The following NRG3 variants were observed in gnomAD, a reference collection of about 807,000 sequenced individuals.
NRG3 encodes pro-neuregulin-3, membrane-bound isoform.
In NRG3, 31 loss-of-function variants were observed where a neutral mutation model predicts 66.9. That is an observed-to-expected ratio of 0.46 (90% CI 0.35 to 0.63). The LOEUF (loss-of-function observed/expected upper bound fraction) is 0.63, where lower values mean the gene tolerates loss of function less well. Ranked by LOEUF, NRG3 falls within the 20% of genes least tolerant of loss-of-function variation. The pLI is 0.00. For synonymous variants in NRG3, 393 were observed against 359.4 expected (o/e 1.09, Z -1.06); for missense variants, 910 against 878.9 (o/e 1.04, Z -0.45).
At chr10:82,116,237 G>C (rs1026169939) in intron 1 of NRG3, among the ~76,000 whole-genome samples, 3 of 152,000 alleles carry the variant, frequency 2.0e-5, no homozygotes, top group Admixed American at 2.0e-4. Context: ...TTGATATATA[G>C]TATCCCTTTA....
chr10:82,268,535 A>C (rs1434019445), intron 1 of NRG3, among the ~76,000 whole-genome samples: 1 of 152,136 alleles, frequency 6.6e-6, no homozygotes, highest in Non-Finnish European at 1.5e-5. Flanking sequence ...AATATTTTTA[A>C]ATCTATCCTC....
At chr10:82,777,626 T>C (rs1228682375) in intron 3 of NRG3, among the ~76,000 whole-genome samples, 2 of 152,138 alleles carry the variant, frequency 1.3e-5, no homozygotes, top group African/African-American at 4.8e-5. Context: ...GGTGTAATAC[T>C]GACATAGCTC....
chr10:82,152,390 G>T (rs1241433105), intron 1 of NRG3, among the ~76,000 whole-genome samples: 1 of 152,164 alleles, frequency 6.6e-6, no homozygotes. Flanking sequence ...CACACAATTT[G>T]CTTAGCCTTT....
chr10:82,165,945 T>A (rs2072016969), intron 1 of NRG3, among the ~76,000 whole-genome samples: 1 of 151,846 alleles, frequency 6.6e-6, no homozygotes, highest in Non-Finnish European at 1.5e-5. Flanking sequence ...TTTTTATTTG[T>A]CCCATCTGTT....
intron 1 of NRG3, among the ~76,000 whole-genome samples, chr10:82,191,173 T>C (rs1482713854): frequency 6.6e-6 from 1 of 152,166 alleles, no homozygotes. Flanking sequence ...TTGGACAGTT[T>C]AGCAACATTT....
rs142551084 is a variant in NRG3 at position 82,482,249 on chromosome 10, T to G, written c.953+123381T>G. Among the ~76,000 whole-genome samples, 82 of 152,334 alleles carry G rather than the reference T, an allele frequency of 5.4e-4. 1 individual carries two copies. The highest frequency in any genetic ancestry group is 2.7e-3 in the Admixed American group (41 of 15,292). On this transcript the variant is annotated intron_variant, in intron 2 of 8. Transcript: ENST00000372141. Reference sequence around the variant, plus strand: ...AAATCACTATTTTTAGTTATCATGTTGTCTTTATGAGCATTGAGCACACTT... The same window carrying G: ...AAATCACTATTTTTAGTTATCATGTGGTCTTTATGAGCATTGAGCACACTT...
chr10:82,004,185 A>T (rs2133709097), intron 1 of NRG3, among the ~76,000 whole-genome samples: 1 of 152,268 alleles, frequency 6.6e-6, no homozygotes, highest in East Asian at 1.9e-4. Context: ...TAAGAATTTT[A>T]TTTTTGTGGA....
At chr10:82,857,641 C>T (rs1214056766) in intron 3 of NRG3, among the ~76,000 whole-genome samples, 1 of 152,036 alleles carries the variant, frequency 6.6e-6, no homozygotes, top group African/African-American at 2.4e-5. Context: ...GGAAGGAAGA[C>T]TAGGAAGAAC....
Position 81,875,944 on chromosome 10 carries a change from A to G in NRG3, c.604A>G (p.Ser202Gly). The change falls in exon 1 of 9, where the codon AGT (serine) becomes GGT (glycine). Residue 202 changes from serine to glycine, a missense_variant. Coordinates refer to ENST00000372141, the MANE Select transcript of NRG3 (RefSeq NM_001010848.4). The surrounding 1 kb of genome is among the most constrained non-coding windows in gnomAD (Gnocchi z 5.3). ...TVPSTTAPFF[S>G]SSTLGSRPPV... ...CCCGTCCACCACGGCCCCGTTCTTC[A>G]GTAGCAGCACGCTGGGCTCCCGACC... 1 of 1,613,814 alleles carries G rather than the reference A, an allele frequency of 6.2e-7. No homozygotes were observed. The highest frequency in any genetic ancestry group is 1.1e-5 in the South Asian group (1 of 91,078).
chr10:82,438,629 C>A (rs775170063), intron 2 of NRG3, among the ~76,000 whole-genome samples: 14 of 152,208 alleles, frequency 9.2e-5, no homozygotes, highest in Non-Finnish European at 1.9e-4. Context: ...ACAATCTGCG[C>A]TTTCTGGGGT....
chr10:82,850,966 C>T (rs1163399741), intron 3 of NRG3, among the ~76,000 whole-genome samples: 1 of 152,014 alleles, frequency 6.6e-6, no homozygotes, highest in Non-Finnish European at 1.5e-5. Context: ...AATCCCAGCA[C>T]TTTTTTTACA....
intron 1 of NRG3, among the ~76,000 whole-genome samples, chr10:81,931,604 C>T (rs1327944487): frequency 2.0e-5 from 3 of 152,146 alleles, no homozygotes; most frequent in South Asian, 4.1e-4. Context: ...TACTTCTATA[C>T]CTTGAGATTT....
intron 2 of NRG3, among the ~76,000 whole-genome samples, chr10:82,367,731 A>G (rs1410968558): frequency 6.6e-6 from 1 of 152,136 alleles, no homozygotes; most frequent in Non-Finnish European, 1.5e-5. Flanking sequence ...GTGGTGGCTC[A>G]CGCTTGTAAT....
At chr10:82,129,379 G>C (rs1180829555) in intron 1 of NRG3, among the ~76,000 whole-genome samples, 1 of 152,004 alleles carries the variant, frequency 6.6e-6, no homozygotes, top group African/African-American at 2.4e-5. Flanking sequence ...CTTTCATTCT[G>C]GTTTCCTTAT....
At chr10:82,698,438 CA>C (rs1307916713) in intron 2 of NRG3, among the ~76,000 whole-genome samples, 1 of 151,994 alleles carries the variant, frequency 6.6e-6, no homozygotes, top group African/African-American at 2.4e-5. Flanking sequence ...TTAAATAATC[CA>C]AAAGATTAAA....
intron 4 of NRG3, among the ~76,000 whole-genome samples, chr10:82,876,068 GT>G (rs1034074335): frequency 5.3e-5 from 8 of 152,192 alleles, no homozygotes; most frequent in African/African-American, 1.9e-4. Flanking sequence ...CTGTAAAGAT[GT>G]TTTTGGACAA....
At chr10:82,429,439 A>C (rs1321511759) in intron 2 of NRG3, among the ~76,000 whole-genome samples, 1 of 152,020 alleles carries the variant, frequency 6.6e-6, no homozygotes, top group Non-Finnish European at 1.5e-5. Flanking sequence ...TGGTGCTTTG[A>C]ATATGTCATC....
At chr10:82,795,628 G>A (rs753611139) in intron 3 of NRG3, among the ~76,000 whole-genome samples, 1 of 152,108 alleles carries the variant, frequency 6.6e-6, no homozygotes, top group Non-Finnish European at 1.5e-5. Flanking sequence ...TCTGGGCAGG[G>A]GCAAAACACT....
intron 1 of NRG3, among the ~76,000 whole-genome samples, chr10:82,045,689 T>C (rs2063253214): frequency 1.3e-5 from 1 of 75,526 alleles, no homozygotes. Flanking sequence ...TCTAGGGTTT[T>C]TATGGTTTTA....
Sources: gnomAD v4.1 joint callset for allele counts (sites outside exome capture counted in the v4.1 genomes callset) on GRCh38, gnomAD v4.1.1 for gene constraint, Gnocchi (gnomAD v3.1) non-coding constraint, MANE v1.5 for transcripts, NCBI Gene and HGNC (gene_info 2026-07-23, HGNC 2026-07-21) for gene names.